The following NFXL1 variants were observed in gnomAD, a reference collection of about 807,000 sequenced individuals.
The protein encoded by NFXL1 is nuclear transcription factor, X-box binding like 1, also known as NF-X1-type zinc finger protein NFXL1.
NFXL1 carries 66 observed loss-of-function variants against 123.3 expected under a neutral mutation model. That is an observed-to-expected ratio of 0.54 (90% CI 0.44 to 0.66). The LOEUF (loss-of-function observed/expected upper bound fraction) is 0.66. Ranked by LOEUF, NFXL1 falls within the 30% of genes least tolerant of loss-of-function variation. NFXL1 has a pLI of 0.00. For missense variants in NFXL1, 944 were observed against 1,125.6 expected, an observed-to-expected ratio of 0.84 and a Z score of 2.31; for synonymous variants, 346 against 360.8, an observed-to-expected ratio of 0.96 and a Z score of 0.46.
rs1736396166 is a variant in NFXL1, at chr4:47,885,862, C to G, written c.1664+17G>C. The G allele has an allele frequency of 3.1e-6, 5 of 1,600,438 alleles. No individual in the cohort carries two copies. The highest frequency in any genetic ancestry group is 4.3e-6 in the Non-Finnish European group (5 of 1,175,992). On this transcript the variant is annotated intron_variant, in intron 13 of 22. Transcript: ENST00000507489. ...GTACAACATCAGATGGAAGCTTGTG[C>G]AAAGCTTCAAACTCACCTGCATTGC...
chr4:47,848,295 C>T lies in NFXL1; in HGVS notation c.2604G>A (p.Arg868=), dbSNP rs749352897. Residue 868 remains arginine (R), a synonymous_variant, in exon 23 of 23, where the codon CGG becomes CGA. Transcript: ENST00000507489. ...CTTCATCTCTTTTCCTGTTCTTCTT[C>T]CGACGACCCTTCAGTCTGTTTTCAA... ...EAFENRLKGR[R]KKNRKRDEVA... 3.0e-5 allele frequency: 49 copies of T among 1,612,354 alleles called. No individual in the cohort carries two copies. The highest frequency in any genetic ancestry group is 8.3e-5 in the Admixed American group (5 of 59,934).
intron 5 of NFXL1, among the ~76,000 whole-genome samples, chr4:47,900,201 C>G (rs1363112211): frequency 6.6e-6 from 1 of 151,910 alleles, no homozygotes; most frequent in Non-Finnish European, 1.5e-5. Context: ...CACAAAAAGA[C>G]ATATAATTCT....
chr4:47,863,534 T>C (rs984096880), intron 18 of NFXL1, among the ~76,000 whole-genome samples: 2 of 151,944 alleles, frequency 1.3e-5, no homozygotes, highest in Admixed American at 1.3e-4. Flanking sequence ...ATACAAAAAT[T>C]AGCCAGGTGT....
chr4:47,898,624 G>T, intron 8 of NFXL1, 133 bp downstream of exon 8: 1 of 613,076 alleles, frequency 1.6e-6, no homozygotes, highest in East Asian at 2.8e-5. Context: ...CTTAAAACAT[G>T]ATATAATTCA....
chr4:47,877,034 T>G, intron 17 of NFXL1: 1 of 1,247,748 alleles, frequency 8.0e-7, no homozygotes, highest in Non-Finnish European at 1.0e-6. Context: ...TTTCATTTGC[T>G]CTTCCTATGT....
chr4:47,897,918 G>T, intron 9 of NFXL1, 49 bp downstream of exon 9: 1 of 1,189,044 alleles, frequency 8.4e-7, no homozygotes, highest in Non-Finnish European at 1.2e-6. Context: ...GTCTTTTCAT[G>T]GCTTGACAGA....
Position 47,885,510 on chromosome 4 carries a change from C to T in NFXL1, c.1812G>A (p.Lys604=). Residue 604 remains lysine, a synonymous_variant, in exon 14 of 23, where the codon AAG becomes AAA. Transcript: ENST00000507489. ...PAPCHDQALI[K]QTGRHQPTGP... ...ATTATTCCCTTACCCTGCCAGTCTG[C>T]TTTATTAATGCTTGATCATGACACG... The T allele has an allele frequency of 6.2e-7, 1 of 1,612,542 alleles. No individual in the cohort carries two copies. Among genetic ancestry groups the T allele is most frequent in the Non-Finnish European group, 8.5e-7 (1 of 1,178,878 alleles).
intron 14 of NFXL1, among the ~76,000 whole-genome samples, chr4:47,884,979 T>C (rs1284962895): frequency 1.3e-5 from 2 of 151,846 alleles, no homozygotes; most frequent in Admixed American, 1.3e-4. Flanking sequence ...CTACAAAAAT[T>C]AGCTGGGCAT....
chr4:47,895,896 T>A (rs1470514816), intron 10 of NFXL1, among the ~76,000 whole-genome samples: 1 of 152,242 alleles, frequency 6.6e-6, no homozygotes, highest in Non-Finnish European at 1.5e-5. Flanking sequence ...TTGATTTAAA[T>A]GAGAAATGTG....
At chr4:47,865,498 AAAAC>A (rs201304874) in intron 18 of NFXL1, among the ~76,000 whole-genome samples, 120 of 132,702 alleles carry the variant, frequency 9.0e-4, no homozygotes, top group African/African-American at 2.5e-3. Flanking sequence ...GAAAAAAAAA[AAAAC>A]AACTCCTGAG....
chr4:47,898,127 C>CA (rs773324015), intron 8 of NFXL1, 46 bp from the exon 9 acceptor site: 58 of 1,165,980 alleles, frequency 5.0e-5, no homozygotes, highest in Admixed American at 6.8e-5. Flanking sequence ...TAAAAGTTAA[C>CA]AAAAAAAGAC....
At chr4:47,901,603 TC>T (rs531185454) in intron 5 of NFXL1, among the ~76,000 whole-genome samples, 102 of 152,214 alleles carry the variant, frequency 6.7e-4, no homozygotes, top group African/African-American at 2.4e-3. Context: ...TTAAACAGTT[TC>T]CAAAAAGTGT....
chr4:47,849,659 T>A (rs1427123747), intron 22 of NFXL1, among the ~76,000 whole-genome samples: 1 of 152,188 alleles, frequency 6.6e-6, no homozygotes, highest in African/African-American at 2.4e-5. Context: ...ACTTGAGGAC[T>A]ACAGACACAG....
At chr4:47,866,234 T>C (rs1332607324) in intron 18 of NFXL1, among the ~76,000 whole-genome samples, 1 of 152,130 alleles carries the variant, frequency 6.6e-6, no homozygotes, top group Non-Finnish European at 1.5e-5. Context: ...AGGCAGACTT[T>C]AGGCAGACTT....
At chr4:47,856,263 AAGC>A (rs1734405532) in intron 19 of NFXL1, among the ~76,000 whole-genome samples, 1 of 152,142 alleles carries the variant, frequency 6.6e-6, no homozygotes, top group Non-Finnish European at 1.5e-5. Flanking sequence ...GTACTTTATA[AAGC>A]TGTTGTGAGG....
intron 12 of NFXL1, 107 bp from the exon 13 acceptor site, chr4:47,886,106 A>T: frequency 1.0e-6 from 1 of 972,132 alleles, no homozygotes; most frequent in Non-Finnish European, 1.5e-6. Context: ...ACTCTACAAC[A>T]AGAATGAAGA....
intron 21 of NFXL1, among the ~76,000 whole-genome samples, 184 bp from the exon 22 acceptor site, chr4:47,851,332 G>A (rs1734105634): frequency 6.6e-6 from 1 of 152,106 alleles, no homozygotes; most frequent in African/African-American, 2.4e-5. Flanking sequence ...TAAATTGAAG[G>A]TGGTCATGGA....
At position 47,871,346 on chromosome 4, in the gene NFXL1, G is replaced by A. The variant is rs561590900; in HGVS notation, c.2246+3781C>T. ...AGCCTGGGTGACAGAGCGAGACTCC[G>A]TCTCAAAAAAAAAAAAAACAAAAAC... is the stretch of plus-strand genomic sequence containing the variant. On this transcript the variant is annotated intron_variant, in intron 18 of 22. Transcript: ENST00000507489. Among the ~76,000 whole-genome samples the A allele has an allele frequency of 4.3e-3, 412 of 95,068 alleles. 3 individuals carry two copies. The highest frequency in any genetic ancestry group is 0.014 in the African/African-American group (383 of 26,524). The allele number at this position is 95,068 out of a possible 152,430, so 62.4% of individuals were successfully genotyped here.
Position 47,868,346 on chromosome 4 carries a change from G to GA in NFXL1, c.2247-5432dup, listed in dbSNP as rs1396075149. On this transcript the variant is annotated intron_variant, in intron 18 of 22. Coordinates refer to ENST00000507489, the MANE Select transcript of NFXL1 (RefSeq NM_001278624.2). ...AAAAAAAAAAAATAGAAAAGAAAAAGAAAAAAAGGTCGGAATGGGGGTAGA... is the reference window on the plus strand; with the variant it reads ...AAAAAAAAAAAATAGAAAAGAAAAAGAAAAAAAAGGTCGGAATGGGGGTAGA... 4.7e-5 allele frequency among the ~76,000 whole-genome samples: 7 copies of GA among 149,442 alleles called. No individual in the cohort carries two copies. In the East Asian group the frequency reaches 1.2e-3, roughly 25 times the overall value.
Sources: gnomAD v4.1 joint callset for allele counts (sites outside exome capture counted in the v4.1 genomes callset) on GRCh38, gnomAD v4.1.1 for gene constraint, MANE v1.5 for transcripts, NCBI Gene and HGNC (gene_info 2026-07-23, HGNC 2026-07-21) for gene names.